Variants in NCOA2 observed in about 807,000 individuals in gnomAD.
NCOA2 encodes class E basic helix-loop-helix protein 75.
A neutral mutation model predicts 145.1 loss-of-function variants in NCOA2; 21 were observed. The observed-to-expected ratio is 0.14, with a 90% CI of 0.10 to 0.21. The LOEUF is 0.21. Ranked by LOEUF, NCOA2 falls within the 10% of genes least tolerant of loss-of-function variation. The pLI, the probability that NCOA2 is intolerant of heterozygous loss-of-function variation, is 1.00. For missense variants in NCOA2, 1,472 were observed against 1,837.6 expected, an observed-to-expected ratio of 0.80 and a Z score of 3.64; for synonymous variants, 619 against 637.5, an observed-to-expected ratio of 0.97 and a Z score of 0.44.
intron 16 of NCOA2, among the ~76,000 whole-genome samples, chr8:70,131,515 C>T (rs1331216174): frequency 6.6e-6 from 1 of 152,190 alleles, no homozygotes; most frequent in African/African-American, 2.4e-5. Flanking sequence ...CAGCAATGTG[C>T]TGTTTGTGGT....
intron 1 of NCOA2, among the ~76,000 whole-genome samples, chr8:70,374,834 T>C (rs893724254): frequency 2.6e-5 from 4 of 151,546 alleles, no homozygotes; most frequent in Non-Finnish European, 5.9e-5. Flanking sequence ...AAAGCATATA[T>C]GCCGATACGT....
chr8:70,259,285 G>A (rs761318177), intron 2 of NCOA2, among the ~76,000 whole-genome samples: 1 of 152,072 alleles, frequency 6.6e-6, no homozygotes, highest in African/African-American at 2.4e-5. Context: ...ATATGTGCCT[G>A]TATCAGGAAA....
intron 7 of NCOA2, among the ~76,000 whole-genome samples, chr8:70,164,599 G>A (rs1813408192): frequency 6.6e-6 from 1 of 151,994 alleles, no homozygotes; most frequent in South Asian, 2.1e-4. Flanking sequence ...ACCCCACACT[G>A]CCTCCTTGGA....
chr8:70,276,700 C>T (rs1825492836), intron 2 of NCOA2, among the ~76,000 whole-genome samples: 1 of 152,160 alleles, frequency 6.6e-6, no homozygotes, highest in Admixed American at 6.5e-5. Flanking sequence ...TTCCTGAGGC[C>T]TTCCTAACCA....
chr8:70,221,619 T>C (rs574014616), intron 2 of NCOA2, among the ~76,000 whole-genome samples: 1 of 152,260 alleles, frequency 6.6e-6, no homozygotes, highest in African/African-American at 2.4e-5. Flanking sequence ...GGAAGGGAAA[T>C]ACCTCTTTTC....
chr8:70,116,277 C>T (rs1807120078), intron 22 of NCOA2, among the ~76,000 whole-genome samples: 4 of 150,448 alleles, frequency 2.7e-5, no homozygotes, highest in Admixed American at 6.6e-5. Context: ...AAGAGCAGGG[C>T]ACAGTGGCTC....
At chr8:70,294,533 G>A (rs146013435) in intron 2 of NCOA2, among the ~76,000 whole-genome samples, 64 of 152,240 alleles carry the variant, frequency 4.2e-4, no homozygotes, top group African/African-American at 1.5e-3. Flanking sequence ...CAAATGAGTC[G>A]TCATGTTTCA....
chr8:70,238,805 C>G (rs1277519292), intron 2 of NCOA2, among the ~76,000 whole-genome samples: 1 of 152,116 alleles, frequency 6.6e-6, no homozygotes, highest in Non-Finnish European at 1.5e-5. Context: ...CTGACCATAA[C>G]CAACAGCAAA....
At chr8:70,244,554 T>C (rs772448122) in intron 2 of NCOA2, among the ~76,000 whole-genome samples, 50 of 152,236 alleles carry the variant, frequency 3.3e-4, no homozygotes, top group Admixed American at 9.8e-4. Flanking sequence ...GTACTTATCA[T>C]GTAATCAAAA....
chr8:70,368,682 T>C (rs1172923942), intron 1 of NCOA2, among the ~76,000 whole-genome samples: 1 of 152,230 alleles, frequency 6.6e-6, no homozygotes, highest in African/African-American at 2.4e-5. Context: ...TGTATTTATA[T>C]AAAAATTCAC....
At chr8:70,201,493 G>A (rs1328394239) in intron 4 of NCOA2, among the ~76,000 whole-genome samples, 3 of 152,062 alleles carry the variant, frequency 2.0e-5, no homozygotes, top group Non-Finnish European at 2.9e-5. Flanking sequence ...CTGTTGCCCC[G>A]GAGTTATTAC....
chr8:70,305,090 C>T lies in NCOA2; in HGVS notation c.-76-8290G>A, dbSNP rs181290759. On this transcript the variant is annotated intron_variant, in intron 1 of 22. Transcript: ENST00000452400. Reference sequence around the variant, plus strand: ...TTGTAGAGATGGGGTTTTGCTATGTCGCTCAGGCTGGACTTGGAACTCCTG... The same window carrying T: ...TTGTAGAGATGGGGTTTTGCTATGTTGCTCAGGCTGGACTTGGAACTCCTG... Among the ~76,000 whole-genome samples, 208 of 132,812 alleles carry T rather than the reference C, an allele frequency of 1.6e-3. 1 individual carries two copies. The highest frequency in any genetic ancestry group is 5.7e-3 in the African/African-American group (198 of 34,620). 87.1% of individuals were successfully genotyped at this position (132,812 alleles called of 152,430 possible). A position where few individuals can be genotyped will look rare whatever the true frequency, so the allele number is the denominator to read the frequency against.
At chr8:70,208,477 A>AT (rs1818695461) in intron 4 of NCOA2, among the ~76,000 whole-genome samples, 1 of 152,226 alleles carries the variant, frequency 6.6e-6, no homozygotes, top group Non-Finnish European at 1.5e-5. Flanking sequence ...TAAGCAATAG[A>AT]TTTTCAATGT....
At chr8:70,181,627 T>C (rs1452310836) in intron 4 of NCOA2, among the ~76,000 whole-genome samples, 1 of 152,198 alleles carries the variant, frequency 6.6e-6, no homozygotes, top group Non-Finnish European at 1.5e-5. Flanking sequence ...AATCTCTGAC[T>C]AAAATGGAAT....
intron 1 of NCOA2, among the ~76,000 whole-genome samples, chr8:70,311,820 T>TA (rs1035190601): frequency 1.6e-4 from 24 of 152,262 alleles, no homozygotes; most frequent in African/African-American, 5.5e-4. Flanking sequence ...TGTTTAGGAC[T>TA]AAAAAAATTC....
intron 22 of NCOA2, among the ~76,000 whole-genome samples, chr8:70,116,561 T>A: frequency 6.6e-6 from 1 of 151,360 alleles, no homozygotes; most frequent in East Asian, 1.9e-4. Context: ...AAAAAAAAAA[T>A]TCTGGAAAAA....
intron 1 of NCOA2, among the ~76,000 whole-genome samples, chr8:70,370,546 CTG>C (rs1198499213): frequency 6.6e-6 from 1 of 152,040 alleles, no homozygotes; most frequent in Non-Finnish European, 1.5e-5. Context: ...TTAACTATGA[CTG>C]TGTCTCAGCC....
intron 4 of NCOA2, among the ~76,000 whole-genome samples, chr8:70,182,491 G>C (rs777351561): frequency 2.6e-5 from 4 of 152,168 alleles, no homozygotes; most frequent in Non-Finnish European, 5.9e-5. Flanking sequence ...ATGTACTACA[G>C]TTACCAAGAG....
chr8:70,444,845 A>T, the NCOA2 span, among the ~76,000 whole-genome samples: 3 of 152,236 alleles, frequency 2.0e-5, no homozygotes, highest in Admixed American at 1.3e-4. Context: ...CCCCAGCATT[A>T]GGTTTTATAG....
Sources: allele counts gnomAD v4.1 joint callset (sites outside exome capture counted in the v4.1 genomes callset), GRCh38; gene constraint gnomAD v4.1.1; transcripts MANE v1.5; gene names NCBI Gene and HGNC (gene_info 2026-07-23, HGNC 2026-07-21).